HDAC9: variants seen among roughly 807,000 people sequenced by gnomAD.
HDAC9 encodes the protein MEF-2 interacting transcription repressor (MITR) protein.
A neutral mutation model predicts 139.4 loss-of-function variants in HDAC9; 41 were observed. The ratio of observed to expected loss-of-function variants is 0.29; its 90% confidence interval spans 0.23 to 0.38. The LOEUF is 0.38. HDAC9 is among the 10% of genes least tolerant of loss of function. The pLI, the probability that HDAC9 is intolerant of heterozygous loss-of-function variation, is 1.00. For synonymous variants in HDAC9, 517 were observed against 476.2 expected, an observed-to-expected ratio of 1.09 and a Z score of -1.12; for missense variants, 1,147 against 1,297.0, an observed-to-expected ratio of 0.88 and a Z score of 1.78.
chr7:18,886,467 T>C (rs923637611), intron 22 of HDAC9, among the ~76,000 whole-genome samples: 1 of 152,232 alleles, frequency 6.6e-6, no homozygotes, highest in African/African-American at 2.4e-5. Flanking sequence ...TACTTTTTCA[T>C]ATTTTGACAT....
chr7:18,146,941 A>G (rs928027386), intron 1 of HDAC9, among the ~76,000 whole-genome samples: 19 of 152,208 alleles, frequency 1.2e-4, no homozygotes, highest in Admixed American at 3.9e-4. Context: ...TGATAGAAGT[A>G]TAAGTAACAA....
chr7:18,604,620 T>G (rs1583986613), intron 6 of HDAC9, among the ~76,000 whole-genome samples: 1 of 152,016 alleles, frequency 6.6e-6, no homozygotes, highest in Non-Finnish European at 1.5e-5. Flanking sequence ...AGGATGGTCT[T>G]GATCTCCTGA....
At chr7:18,608,335 C>G (rs1462687781) in intron 6 of HDAC9, among the ~76,000 whole-genome samples, 1 of 152,052 alleles carries the variant, frequency 6.6e-6, no homozygotes, top group African/African-American at 2.4e-5. Context: ...TTATTAAAAG[C>G]AGCACATAAT....
chr7:18,154,307 GA>G (rs1787008224), intron 1 of HDAC9, among the ~76,000 whole-genome samples: 1 of 151,974 alleles, frequency 6.6e-6, no homozygotes, highest in Non-Finnish European at 1.5e-5. Flanking sequence ...CCTTCTAAAA[GA>G]AAGAAAAAGA....
intron 2 of HDAC9, among the ~76,000 whole-genome samples, chr7:18,530,311 A>T (rs958302147): frequency 1.3e-5 from 2 of 152,150 alleles, no homozygotes; most frequent in Non-Finnish European, 2.9e-5. Flanking sequence ...TGTATGTTCT[A>T]TCTGAAAACA....
At chr7:18,415,153 C>T (rs1450112114) in intron 1 of HDAC9, among the ~76,000 whole-genome samples, 1 of 152,118 alleles carries the variant, frequency 6.6e-6, no homozygotes, top group Non-Finnish European at 1.5e-5. Flanking sequence ...TAATCCTCTC[C>T]CTCCTGGTAC....
chr7:18,704,029 A>C (rs1421819731), intron 12 of HDAC9, among the ~76,000 whole-genome samples: 1 of 152,182 alleles, frequency 6.6e-6, no homozygotes, highest in South Asian at 2.1e-4. Context: ...GGCTTGGAGA[A>C]AAATGGTATC....
At chr7:18,968,600 GAGA>G (rs1374251463) in intron 24 of HDAC9, among the ~76,000 whole-genome samples, 8 of 152,152 alleles carry the variant, frequency 5.3e-5, no homozygotes, top group Non-Finnish European at 1.2e-4. Context: ...CTGCAGCATA[GAGA>G]AGAAGAACCC....
chr7:18,785,824 A>G (rs988820596), intron 16 of HDAC9, among the ~76,000 whole-genome samples: 1 of 152,094 alleles, frequency 6.6e-6, no homozygotes, highest in Non-Finnish European at 1.5e-5. Context: ...TACTAGCTGA[A>G]TAACCTCTGA....
rs140850357 is a variant in HDAC9, at chr7:18,865,894, A to G, written c.2685-8584A>G. Reference sequence around the variant, plus strand: ...TCATGCAATGACATACAATTAGACTATAGAGAAAAAAGGTAGGCTTGGATT... The same window carrying G: ...TCATGCAATGACATACAATTAGACTGTAGAGAAAAAAGGTAGGCTTGGATT... On this transcript the variant is annotated intron_variant, in intron 21 of 25. Transcript: ENST00000686413. Among the ~76,000 whole-genome samples the G allele has an allele frequency of 8.5e-3, 1,293 of 152,108 alleles. 8 individuals carry two copies. Among genetic ancestry groups the G allele is most frequent in the Non-Finnish European group, 0.014 (969 of 67,996 alleles).
intron 11 of HDAC9, among the ~76,000 whole-genome samples, chr7:18,653,099 G>A (rs536704564): frequency 1.1e-4 from 16 of 152,052 alleles, no homozygotes; most frequent in African/African-American, 3.6e-4. Flanking sequence ...TTAGCCGGGC[G>A]TGGTGGTGCA....
intron 4 of HDAC9, 29 bp from the exon 5 acceptor site, chr7:18,591,487 G>A (rs1830947472): frequency 6.5e-7 from 1 of 1,543,596 alleles, no homozygotes; most frequent in Non-Finnish European, 8.8e-7. Flanking sequence ...GTGTGTGTGT[G>A]TGTGTGTGTG....
intron 1 of HDAC9, among the ~76,000 whole-genome samples, chr7:18,459,538 C>T (rs184707107): frequency 3.4e-4 from 52 of 152,072 alleles, no homozygotes; most frequent in Non-Finnish European, 6.9e-4. Flanking sequence ...CTTTGACTGA[C>T]TGTAATTGAC....
Position 18,343,024 on chromosome 7 carries a change from C to T in HDAC9, c.-42+52509C>T, listed in dbSNP as rs140431432. ...TTCCTCTGAGAGTGAAATTCCCTATCCGGAGAAAAGATTCCCAGTAACAAT... is the reference window on the plus strand; with the variant it reads ...TTCCTCTGAGAGTGAAATTCCCTATTCGGAGAAAAGATTCCCAGTAACAAT... On this transcript the variant is annotated intron_variant, in intron 1 of 3. Coordinates refer to the HDAC9 transcript ENST00000413509. Among the ~76,000 whole-genome samples the T allele has an allele frequency of 6.8e-4, 103 of 151,748 alleles. 1 individual carries two copies. The East Asian group carries it at 0.019, about 28-fold the overall frequency.
intron 17 of HDAC9, among the ~76,000 whole-genome samples, chr7:18,827,411 T>A (rs971448795): frequency 6.6e-6 from 1 of 152,118 alleles, no homozygotes; most frequent in Non-Finnish European, 1.5e-5. Context: ...AGGCTCTGGA[T>A]ATATAGAGAT....
At position 18,824,297 on chromosome 7, in the gene HDAC9, C is replaced by G. The variant is rs571815523; in HGVS notation, c.2323-4864C>G. Among the ~76,000 whole-genome samples, 6 of 152,212 alleles carry G rather than the reference C, an allele frequency of 3.9e-5. No homozygotes were observed. In the East Asian group the frequency reaches 7.8e-4, roughly 20 times the overall value. Reference sequence around the variant, plus strand: ...GAGAGGCATGTCTGTGTGCAAGCCACCTAACCTATGGCAACCTGAGCAGAA... The same window carrying G: ...GAGAGGCATGTCTGTGTGCAAGCCAGCTAACCTATGGCAACCTGAGCAGAA... On this transcript the variant is annotated intron_variant, in intron 17 of 25. Transcript: ENST00000686413.
At chr7:18,632,621 G>C (rs963244217) in intron 7 of HDAC9, among the ~76,000 whole-genome samples, 3 of 152,070 alleles carry the variant, frequency 2.0e-5, no homozygotes, top group African/African-American at 7.2e-5. Flanking sequence ...TGAGTGTAGA[G>C]TACAGAAAGG....
chr7:18,770,567 G>T (rs979534008), intron 16 of HDAC9, among the ~76,000 whole-genome samples: 1 of 152,106 alleles, frequency 6.6e-6, no homozygotes, highest in Non-Finnish European at 1.5e-5. Flanking sequence ...AAGCAAGGAC[G>T]AGCAGGCTTT....
intron 1 of HDAC9, among the ~76,000 whole-genome samples, chr7:18,483,908 A>C (rs1795774315): frequency 6.6e-6 from 1 of 152,170 alleles, no homozygotes; most frequent in South Asian, 2.1e-4. Flanking sequence ...AACTGATTTG[A>C]ATCACATACA....
Sources: gnomAD v4.1 joint callset for allele counts (sites outside exome capture counted in the v4.1 genomes callset) on GRCh38, gnomAD v4.1.1 for gene constraint, MANE v1.5 for transcripts, NCBI Gene and HGNC (gene_info 2026-07-23, HGNC 2026-07-21) for gene names.